Variants in CCNT1 observed in about 807,000 individuals in gnomAD.
CCNT1 encodes cyclin T1, also known as cyclin-T1.
Under a neutral mutation model 67.3 loss-of-function variants are expected in CCNT1, and 18 were observed. The observed-to-expected ratio is 0.27, with a 90% CI of 0.18 to 0.40. The LOEUF is 0.40. CCNT1 is among the 10% of genes least tolerant of loss of function. The probability of loss-of-function intolerance (pLI) is 1.00; values close to 1 mark genes in which losing one functional copy is unlikely to be tolerated. For missense variants in CCNT1, 744 were observed against 884.9 expected, an observed-to-expected ratio of 0.84 and a Z score of 2.02; for synonymous variants, 333 against 310.3, an observed-to-expected ratio of 1.07 and a Z score of -0.77.
In CCNT1 at chr12:48,692,794, C is replaced by A; in HGVS notation, c.*239G>T. 2.4e-6 allele frequency: 1 copy of A among 408,376 alleles called. No homozygotes were observed. Among genetic ancestry groups the A allele is most frequent in the Non-Finnish European group, 4.4e-6 (1 of 227,526 alleles). 25.3% of individuals were successfully genotyped at this position (408,376 alleles called of 1,614,324 possible). ...CAAGAATTCAGAATGTGTCCTTAAT[C>A]CTTCACAGCTTCAACACCTCTCTAA... On this transcript the variant is annotated 3_prime_UTR_variant, in exon 9 of 9. Coordinates refer to ENST00000261900, the MANE Select transcript of CCNT1 (RefSeq NM_001240.4).
At chr12:48,710,144 G>A (rs976103202) in intron 2 of CCNT1, among the ~76,000 whole-genome samples, 8 of 151,688 alleles carry the variant, frequency 5.3e-5, no homozygotes, top group Admixed American at 1.3e-4. Flanking sequence ...CACCCAACTC[G>A]GCCTCCCAAA....
chr12:48,709,461 G>A (rs78881995), intron 2 of CCNT1, among the ~76,000 whole-genome samples: 2,700 of 152,178 alleles, frequency 0.018, 88 homozygotes, highest in African/African-American at 0.062. Flanking sequence ...GCTTATATAA[G>A]TGCACTATAT....
chr12:48,716,135 G>C (rs1199451950), intron 1 of CCNT1, among the ~76,000 whole-genome samples: 2 of 152,220 alleles, frequency 1.3e-5, no homozygotes, highest in East Asian at 3.8e-4. Flanking sequence ...CACTAGGTTT[G>C]GGAGGCAGCC....
chr12:48,698,056 G>A, intron 6 of CCNT1, 82 bp downstream of exon 6: 2 of 783,240 alleles, frequency 2.6e-6, no homozygotes, highest in Non-Finnish European at 3.9e-6. Flanking sequence ...ATTCACCAGA[G>A]AATTATCTAT....
rs1219157869 is a variant in CCNT1, at chr12:48,701,274, G to A, written c.373-201C>T. Among the ~76,000 whole-genome samples the A allele has an allele frequency of 5.0e-5, 7 of 141,292 alleles. No individual in the cohort carries two copies. In the East Asian group the frequency reaches 1.2e-3, roughly 25 times the overall value. The allele number at this position is 141,292 out of a possible 152,430, so 92.7% of individuals were successfully genotyped here. On this transcript the variant is annotated intron_variant, in intron 3 of 8. Coordinates refer to ENST00000261900, the MANE Select transcript of CCNT1 (RefSeq NM_001240.4). Reference sequence around the variant, plus strand: ...AGAGTCTCCCTCTGTCACCCAGGCTGGAGTGCAGTGGTGTGATCTCGACTC... The same window carrying A: ...AGAGTCTCCCTCTGTCACCCAGGCTAGAGTGCAGTGGTGTGATCTCGACTC...
At chr12:48,706,607 A>T (rs1374056068) in intron 2 of CCNT1, among the ~76,000 whole-genome samples, 1 of 152,238 alleles carries the variant, frequency 6.6e-6, no homozygotes, top group African/African-American at 2.4e-5. Context: ...TATGACATAA[A>T]TGTAGCCTGG....
chr12:48,701,164 C>A (rs1592121276), intron 3 of CCNT1, 91 bp from the exon 4 acceptor site: 6 of 488,920 alleles, frequency 1.2e-5, no homozygotes, highest in Non-Finnish European at 1.8e-5. Flanking sequence ...GAAACCAAAA[C>A]AATAAAAGGC....
intron 2 of CCNT1, among the ~76,000 whole-genome samples, chr12:48,707,110 G>A (rs774555205): frequency 2.0e-5 from 3 of 152,044 alleles, no homozygotes; most frequent in Non-Finnish European, 4.4e-5. Flanking sequence ...TGTTTCAGAT[G>A]AATATGAAGC....
Position 48,714,525 on chromosome 12 carries a change from C to T in CCNT1, c.162-1G>A. On this transcript the variant is annotated splice_acceptor_variant, in intron 1 of 8. Coordinates refer to ENST00000261900, the MANE Select transcript of CCNT1 (RefSeq NM_001240.4). LOFTEE classifies it high-confidence loss of function. ...AGCAGTGTTGATAGTCAATTGTGAG[C>T]TGAAGTGTTCAAGTTAAGATCCAAA... The T allele has an allele frequency of 6.2e-7, 1 of 1,600,178 alleles. No homozygotes were observed.
rs565601379 is a variant in CCNT1, at chr12:48,713,010, G to A, written c.243+1433C>T. 5.3e-5 allele frequency among the ~76,000 whole-genome samples: 8 copies of A among 151,840 alleles called. No homozygotes were observed. In the East Asian group the frequency reaches 1.4e-3, roughly 26 times the overall value. ...CCCTATTACCTTGGCGTTTTATTAA[G>A]TAAATACAGTCCTTCCTAGAACTGG... is the stretch of plus-strand genomic sequence containing the variant. On this transcript the variant is annotated intron_variant, in intron 2 of 8. Coordinates refer to ENST00000261900, the MANE Select transcript of CCNT1 (RefSeq NM_001240.4).
chr12:48,693,865 G>A lies in CCNT1; in HGVS notation c.1349C>T (p.Pro450Leu), dbSNP rs1265399177. The A allele has an allele frequency of 6.2e-7, 1 of 1,613,922 alleles. No individual in the cohort carries two copies. Among genetic ancestry groups the A allele is most frequent in the African/African-American group, 1.3e-5 (1 of 74,908 alleles). The change falls in exon 9 of 9, where the codon CCT becomes CTT. Residue 450 changes from proline (P) to leucine (L), a missense_variant. Coordinates refer to ENST00000261900, the MANE Select transcript of CCNT1 (RefSeq NM_001240.4). ...TGTTTTGTCAGCCTTTTCCAGAAAA[G>A]GCCGCTCGGGGTTTTCTGAACCCTC... Reference protein sequence around the residue: ...PIEGSENPERPFLEKADKTAL... With the variant: ...PIEGSENPERLFLEKADKTAL...
chr12:48,715,430 A>C (rs1026964008), intron 1 of CCNT1, among the ~76,000 whole-genome samples: 2 of 152,084 alleles, frequency 1.3e-5, no homozygotes, highest in African/African-American at 4.8e-5. Context: ...TAACAAACAA[A>C]AATATGTGGG....
intron 1 of CCNT1, 137 bp from the exon 2 acceptor site, chr12:48,714,661 C>T: frequency 1.7e-6 from 1 of 596,646 alleles, no homozygotes; most frequent in Non-Finnish European, 3.0e-6. Context: ...CTCTCCAAAT[C>T]AAAGAATATG....
intron 1 of CCNT1, among the ~76,000 whole-genome samples, chr12:48,715,088 C>T (rs944859037): frequency 1.3e-5 from 2 of 152,226 alleles, no homozygotes; most frequent in South Asian, 4.1e-4. Context: ...GCTGGTATTA[C>T]AGGCGCGAGC....
chr12:48,697,226 A>G (rs1019353935), intron 6 of CCNT1, among the ~76,000 whole-genome samples: 1 of 152,118 alleles, frequency 6.6e-6, no homozygotes, highest in African/African-American at 2.4e-5. Flanking sequence ...AATATTTTAA[A>G]ATATAATTAT....
At chr12:48,714,812 A>G (rs974103912) in intron 1 of CCNT1, among the ~76,000 whole-genome samples, 1 of 152,236 alleles carries the variant, frequency 6.6e-6, no homozygotes, top group African/African-American at 2.4e-5. Flanking sequence ...TTTTTTAAAA[A>G]CTATATAAGG....
intron 2 of CCNT1, among the ~76,000 whole-genome samples, chr12:48,707,956 G>C (rs1217611738): frequency 6.6e-6 from 1 of 152,116 alleles, no homozygotes; most frequent in East Asian, 1.9e-4. Flanking sequence ...TCTTGTAGTA[G>C]GGTAGTCCCA....
chr12:48,711,870 G>C (rs1288355715), intron 2 of CCNT1, among the ~76,000 whole-genome samples: 1 of 152,032 alleles, frequency 6.6e-6, no homozygotes, highest in African/African-American at 2.4e-5. Flanking sequence ...TCGGCTCACT[G>C]CAAGCTCCAC....
chr12:48,702,233 T>C (rs1383964168), intron 3 of CCNT1, among the ~76,000 whole-genome samples: 4 of 152,244 alleles, frequency 2.6e-5, no homozygotes, highest in African/African-American at 9.6e-5. Flanking sequence ...CAAAATACAT[T>C]TGCAGAACCT....
Sources: gnomAD v4.1 joint callset for allele counts (sites outside exome capture counted in the v4.1 genomes callset) on GRCh38, gnomAD v4.1.1 for gene constraint, MANE v1.5 for transcripts, NCBI Gene and HGNC (gene_info 2026-07-23, HGNC 2026-07-21) for gene names.